The following DLGAP2 variants were observed in gnomAD, a reference collection of about 807,000 sequenced individuals.
DLGAP2 encodes the protein disks large-associated protein 2.
In DLGAP2, 26 loss-of-function variants were observed where a neutral mutation model predicts 100.3. That is an observed-to-expected ratio of 0.26 (90% confidence interval 0.19 to 0.36). The LOEUF is 0.36. Among genes scored for constraint, DLGAP2 ranks in the 10% least tolerant of loss-of-function variants. The pLI is 1.00. For synonymous variants in DLGAP2, 886 were observed against 630.1 expected (o/e 1.41, Z -6.08); for missense variants, 1,858 against 1,453.2 (o/e 1.28, Z -4.53).
At chr8:1,126,597 G>A (rs1312466263) in intron 2 of DLGAP2, among the ~76,000 whole-genome samples, 8 of 152,156 alleles carry the variant, frequency 5.3e-5, no homozygotes, top group Middle Eastern at 6.8e-3. Context: ...GGGAGGTGCT[G>A]TGCTGCTGAG....
chr8:1,200,109 G>C (rs1022816031), intron 2 of DLGAP2, among the ~76,000 whole-genome samples: 1 of 152,114 alleles, frequency 6.6e-6, no homozygotes, highest in African/African-American at 2.4e-5. Flanking sequence ...AAGGGTCGGG[G>C]GCGTGGGGGC....
rs190236061 is a variant in DLGAP2 at position 1,334,024 on chromosome 8, G to T, written c.106+75141G>T. Among the ~76,000 whole-genome samples the T allele has an allele frequency of 7.1e-4, 108 of 152,356 alleles. 1 individual carries two copies. Among genetic ancestry groups the T allele is most frequent in the Admixed American group, 2.2e-3 (33 of 15,308 alleles). On this transcript the variant is annotated intron_variant, in intron 3 of 14. Transcript: ENST00000637795. ...CATGCCGGGGAAGAGGCTTCCTTGC[G>T]TGAGGAAGGCCCACAGAGTCCAGAT...
In DLGAP2 at chr8:1,328,959, G is replaced by A. The variant is rs1320220457; in HGVS notation, c.106+70076G>A. ...TGCAGCACTAACACTCTGAGTAGCT[G>A]TGTTATGAATTATGCGTGGAAGGCA... On this transcript the variant is annotated intron_variant, in intron 3 of 14. Coordinates refer to ENST00000637795, the MANE Select transcript of DLGAP2 (RefSeq NM_001346810.2). Among the ~76,000 whole-genome samples, 3 of 152,356 alleles carry A rather than the reference G, an allele frequency of 2.0e-5. No individual in the cohort carries two copies. In the South Asian group the frequency reaches 6.2e-4, roughly 32 times the overall value.
chr8:1,548,316 G>A (rs1206881513), intron 4 of DLGAP2, among the ~76,000 whole-genome samples: 4 of 151,394 alleles, frequency 2.6e-5, no homozygotes, highest in African/African-American at 4.8e-5. Flanking sequence ...AAAATTAGCC[G>A]GGCGTGGTGG....
chr8:978,141 T>C (rs375909126), intron 2 of DLGAP2, among the ~76,000 whole-genome samples: 67 of 91,544 alleles, frequency 7.3e-4, no homozygotes, highest in East Asian at 8.6e-4. Flanking sequence ...TCTTTGGTGT[T>C]GTGGGGAGGG....
At chr8:983,507 T>G (rs1271387651) in intron 2 of DLGAP2, among the ~76,000 whole-genome samples, 2 of 152,260 alleles carry the variant, frequency 1.3e-5, no homozygotes, top group Non-Finnish European at 2.9e-5. Flanking sequence ...GTCCTTGAGA[T>G]GTTCTTCTGT....
chr8:1,139,807 C>T (rs770459005), intron 2 of DLGAP2, among the ~76,000 whole-genome samples: 1 of 152,012 alleles, frequency 6.6e-6, no homozygotes, highest in East Asian at 1.9e-4. Context: ...CTCTCAGCAC[C>T]GTAAGTGTAT....
chr8:920,434 C>T (rs1268503097), intron 2 of DLGAP2, among the ~76,000 whole-genome samples: 1 of 152,200 alleles, frequency 6.6e-6, no homozygotes, highest in Middle Eastern at 3.2e-3. Flanking sequence ...CTTTGTGAAT[C>T]CTGGGTGCAT....
intron 3 of DLGAP2, among the ~76,000 whole-genome samples, chr8:1,465,062 T>A (rs1007731068): frequency 6.6e-6 from 1 of 152,138 alleles, no homozygotes; most frequent in Non-Finnish European, 1.5e-5. Flanking sequence ...TCTGCAGGGG[T>A]CACCAGCCAG....
intron 4 of DLGAP2, among the ~76,000 whole-genome samples, chr8:1,538,025 A>T (rs1281792232): frequency 6.6e-6 from 1 of 152,130 alleles, no homozygotes; most frequent in African/African-American, 2.4e-5. Context: ...GGGCAGCTGT[A>T]GCCTCATGCA....
intron 2 of DLGAP2, among the ~76,000 whole-genome samples, chr8:1,170,679 T>G (rs1223559915): frequency 6.9e-6 from 1 of 145,434 alleles, no homozygotes; most frequent in African/African-American, 2.5e-5. Flanking sequence ...GTAGAGGTGT[T>G]TGTAATATTC....
chr8:1,159,392 T>C (rs1401504385), intron 2 of DLGAP2, among the ~76,000 whole-genome samples: 1 of 152,252 alleles, frequency 6.6e-6, no homozygotes, highest in East Asian at 1.9e-4. Context: ...TGATTTATTC[T>C]GTGGGATCAA....
At chr8:963,785 T>G (rs560497482) in intron 2 of DLGAP2, among the ~76,000 whole-genome samples, 18 of 152,298 alleles carry the variant, frequency 1.2e-4, no homozygotes, top group South Asian at 6.2e-4. Context: ...CAGTAGGAAT[T>G]CCATTAAACA....
chr8:1,589,556 TC>T (rs1431510174), intron 6 of DLGAP2, among the ~76,000 whole-genome samples: 1 of 152,134 alleles, frequency 6.6e-6, no homozygotes, highest in Non-Finnish European at 1.5e-5. Flanking sequence ...CACCGCAGCC[TC>T]CCCAGTATCT....
At chr8:1,594,881 C>G (rs559514329) in intron 6 of DLGAP2, among the ~76,000 whole-genome samples, 1 of 152,190 alleles carries the variant, frequency 6.6e-6, no homozygotes, top group African/African-American at 2.4e-5. Flanking sequence ...CCCCTGGGCA[C>G]AGCCAATTCT....
At chr8:1,473,675 A>G (rs1246017885) in intron 3 of DLGAP2, among the ~76,000 whole-genome samples, 2 of 152,124 alleles carry the variant, frequency 1.3e-5, no homozygotes, top group Non-Finnish European at 2.9e-5. Context: ...CTCATTGTGA[A>G]TGGCAGCTCC....
intron 8 of DLGAP2, among the ~76,000 whole-genome samples, chr8:1,646,765 G>T (rs913735011): frequency 6.6e-6 from 1 of 152,212 alleles, no homozygotes; most frequent in Admixed American, 6.5e-5. Flanking sequence ...TGCTGGGACA[G>T]GTCACTAGTT....
chr8:1,222,905 C>G (rs552118564), intron 2 of DLGAP2, among the ~76,000 whole-genome samples: 2 of 152,266 alleles, frequency 1.3e-5, no homozygotes, highest in Admixed American at 6.5e-5. Flanking sequence ...CAGCCGTGCT[C>G]TCTCCTGGTC....
At chr8:983,789 G>C (rs1800409762) in intron 2 of DLGAP2, among the ~76,000 whole-genome samples, 1 of 152,018 alleles carries the variant, frequency 6.6e-6, no homozygotes, top group Non-Finnish European at 1.5e-5. Flanking sequence ...ACTATATATA[G>C]GTGTATGTCA....
Sources: allele counts gnomAD v4.1 joint callset (sites outside exome capture counted in the v4.1 genomes callset), GRCh38; gene constraint gnomAD v4.1.1; transcripts MANE v1.5; gene names NCBI Gene and HGNC (gene_info 2026-07-23, HGNC 2026-07-21).